Variants in PCBP3 observed in about 807,000 individuals in gnomAD.
PCBP3 encodes poly(rC) binding protein 3.
A neutral mutation model predicts 52.7 loss-of-function variants in PCBP3; 25 were observed. The ratio of observed to expected loss-of-function variants is 0.47; its 90% CI spans 0.35 to 0.66. The LOEUF (loss-of-function observed/expected upper bound fraction) is 0.66. Among genes scored for constraint, PCBP3 ranks in the 30% least tolerant of loss-of-function variants. The pLI is 0.01. For synonymous variants in PCBP3, 162 were observed against 183.0 expected (o/e 0.89, Z 0.93); for missense variants, 391 against 490.3 (o/e 0.80, Z 1.91).
rs1425188378 is a variant in PCBP3, at chr21:45,661,933, T to C, written c.-278-6941T>C. Among the ~76,000 whole-genome samples, 4 of 152,242 alleles carry C rather than the reference T, an allele frequency of 2.6e-5. No individual in the cohort carries two copies. The East Asian group carries it at 7.7e-4, about 29-fold the overall frequency. ...TTTTCAAATGTTTTTTGGCCATTTGTATATCTTTTGAAAAATGCCTGTTCA... is the reference window on the plus strand; with the variant it reads ...TTTTCAAATGTTTTTTGGCCATTTGCATATCTTTTGAAAAATGCCTGTTCA... On this transcript the variant is annotated intron_variant, in intron 1 of 17. Transcript: ENST00000681687.
At chr21:45,866,741 C>CA (rs1814854166) in intron 5 of PCBP3, among the ~76,000 whole-genome samples, 1 of 152,278 alleles carries the variant, frequency 6.6e-6, no homozygotes, top group African/African-American at 2.4e-5. Context: ...GCCAGCTCCT[C>CA]ACACCCTCTC....
chr21:45,833,043 T>G (rs937992103), intron 4 of PCBP3, among the ~76,000 whole-genome samples: 1 of 151,764 alleles, frequency 6.6e-6, no homozygotes, highest in African/African-American at 2.4e-5. Flanking sequence ...CAATTCAAGA[T>G]GAGATTTGGG....
At chr21:45,707,129 T>C (rs2083499701) in intron 2 of PCBP3, among the ~76,000 whole-genome samples, 1 of 152,214 alleles carries the variant, frequency 6.6e-6, no homozygotes, top group African/African-American at 2.4e-5. Context: ...TATTCCCTGA[T>C]AGAAGCCTTG....
intron 5 of PCBP3, among the ~76,000 whole-genome samples, chr21:45,885,857 CT>C (rs1176568815): frequency 6.6e-6 from 1 of 152,242 alleles, no homozygotes; most frequent in Non-Finnish European, 1.5e-5. Flanking sequence ...TCCGACAGCT[CT>C]GTCATCCTGG....
rs533292078 is a variant in PCBP3, at chr21:45,791,849, T to C, written c.-126+36397T>C. On this transcript the variant is annotated intron_variant, in intron 4 of 17. Coordinates refer to ENST00000681687, the MANE Select transcript of PCBP3 (RefSeq NM_001384156.1). This position sits in a 1 kb window ranked among gnomAD's most constrained non-coding sequence, Gnocchi z 4.2. ...GGCTTAAATAATCCTAAAGCAACTATGTAGTTAGGTCCTGCTCCTGAAAGC... is the reference window on the plus strand; with the variant it reads ...GGCTTAAATAATCCTAAAGCAACTACGTAGTTAGGTCCTGCTCCTGAAAGC... Among the ~76,000 whole-genome samples, 9 of 152,326 alleles carry C rather than the reference T, an allele frequency of 5.9e-5. No homozygotes were observed. The highest frequency in any genetic ancestry group is 1.0e-4 in the Non-Finnish European group (7 of 68,032).
intron 1 of PCBP3, among the ~76,000 whole-genome samples, chr21:45,664,852 G>A (rs2080685181): frequency 6.8e-6 from 1 of 147,022 alleles, no homozygotes; most frequent in Non-Finnish European, 1.5e-5. Flanking sequence ...CCACCTATGA[G>A]TGAGAATATG....
chr21:45,874,374 G>A (rs1325422114), intron 5 of PCBP3, among the ~76,000 whole-genome samples: 3 of 152,102 alleles, frequency 2.0e-5, no homozygotes, highest in Non-Finnish European at 4.4e-5. Flanking sequence ...CTAATTCTCG[G>A]ATCTTCTTTA....
intron 2 of PCBP3, among the ~76,000 whole-genome samples, chr21:45,718,120 A>G (rs2084351062): frequency 6.8e-6 from 1 of 147,590 alleles, no homozygotes; most frequent in African/African-American, 2.5e-5. Context: ...TGTTTATAGT[A>G]TTTTCTTATA....
intron 2 of PCBP3, among the ~76,000 whole-genome samples, chr21:45,723,425 A>C (rs1412636947): frequency 2.0e-5 from 3 of 152,228 alleles, no homozygotes; most frequent in African/African-American, 7.2e-5. Flanking sequence ...AATGAGAGTG[A>C]CCCATTCAGA....
chr21:45,895,313 C>T (rs1398159117), intron 5 of PCBP3, among the ~76,000 whole-genome samples: 1 of 152,220 alleles, frequency 6.6e-6, no homozygotes, highest in Non-Finnish European at 1.5e-5. Flanking sequence ...GGGCAGTGTC[C>T]AGGCAGCTCG....
At chr21:45,884,569 TATA>T (rs1240534061) in intron 5 of PCBP3, among the ~76,000 whole-genome samples, 1 of 151,996 alleles carries the variant, frequency 6.6e-6, no homozygotes, top group African/African-American at 2.4e-5. Context: ...TGTGTGCATG[TATA>T]ATGTTTGAGA....
At chr21:45,652,089 C>A (rs1014551424) in intron 1 of PCBP3, among the ~76,000 whole-genome samples, 2 of 152,060 alleles carry the variant, frequency 1.3e-5, no homozygotes, top group African/African-American at 4.8e-5. Context: ...TCCTATTCAC[C>A]CTTTCTTTGT....
chr21:45,724,307 G>A lies in PCBP3; in HGVS notation c.-199-11085G>A, dbSNP rs763030301. Among the ~76,000 whole-genome samples, 6 of 148,082 alleles carry A rather than the reference G, an allele frequency of 4.1e-5. No homozygotes were observed. Among genetic ancestry groups the A allele is most frequent in the Non-Finnish European group, 8.9e-5 (6 of 67,046 alleles). Reference sequence around the variant, plus strand: ...GGGGTGTCCAGCTGTGACCCACCCCGCCCCCTCCCGGTGTTACCCTGAGTT... The same window carrying A: ...GGGGTGTCCAGCTGTGACCCACCCCACCCCCTCCCGGTGTTACCCTGAGTT... On this transcript the variant is annotated intron_variant, in intron 2 of 17. Transcript: ENST00000681687. This position sits in a 1 kb window ranked among gnomAD's most constrained non-coding sequence, Gnocchi z 5.3.
Position 45,829,120 on chromosome 21 carries a change from C to T in PCBP3, c.-125-20841C>T, listed in dbSNP as rs1368311419. Reference sequence around the variant, plus strand: ...GGGCCATTGGCCGAGTTTGAGATGGCATTTCACAACTCCAGGGTGCCACGG... The same window carrying T: ...GGGCCATTGGCCGAGTTTGAGATGGTATTTCACAACTCCAGGGTGCCACGG... On this transcript the variant is annotated intron_variant, in intron 4 of 17. Coordinates refer to ENST00000681687, the MANE Select transcript of PCBP3 (RefSeq NM_001384156.1). The surrounding 1 kb of genome is among the most constrained non-coding windows in gnomAD (Gnocchi z 5.2). 6.6e-6 allele frequency: 1 copy of T among 152,452 alleles called. No homozygotes were observed. The allele number at this position is 152,452 out of a possible 1,614,324, so 9.4% of individuals were successfully genotyped here.
chr21:45,882,154 C>T (rs1450369214), intron 5 of PCBP3, among the ~76,000 whole-genome samples: 2 of 152,194 alleles, frequency 1.3e-5, no homozygotes, highest in African/African-American at 4.8e-5. Flanking sequence ...CAGCACTGTA[C>T]AAGGGTTCCC....
In PCBP3 at chr21:45,815,018, GTGAGTGGTGAGTGAGTGA is replaced by G. The variant is rs1262664459; in HGVS notation, c.-125-34929_-125-34912del. 7.3e-4 allele frequency among the ~76,000 whole-genome samples: 92 copies of G among 125,234 alleles called. 1 individual carries two copies. Among genetic ancestry groups the G allele is most frequent in the African/African-American group, 3.0e-3 (90 of 30,126 alleles). 82.2% of individuals were successfully genotyped at this position (125,234 alleles called of 152,430 possible). The stretch of plus-strand genomic sequence containing the variant: ...GTGGTGAGTGAGTGGTGAGTGATGA[GTGAGTGGTGAGTGAGTGA>G]TGAGTGGTGAGTGGTGAGTGTTGAG... On this transcript the variant is annotated intron_variant, in intron 4 of 17. Coordinates refer to ENST00000681687, the MANE Select transcript of PCBP3 (RefSeq NM_001384156.1).
rs1473918910 is a variant in PCBP3 at position 45,894,515 on chromosome 21, C to T, written c.11-1693C>T. 1.3e-5 allele frequency among the ~76,000 whole-genome samples: 2 copies of T among 152,176 alleles called. 1 individual carries two copies. The highest frequency in any genetic ancestry group is 2.9e-5 in the Non-Finnish European group (2 of 68,042). On this transcript the variant is annotated intron_variant, in intron 5 of 17. Coordinates refer to ENST00000681687, the MANE Select transcript of PCBP3 (RefSeq NM_001384156.1). ...TGCACACAGAGGTGCTTCTCAGGGG[C>T]CACGCCATGCATTTGAACTGATACT...
At chr21:45,648,070 A>T (rs965950703) in intron 1 of PCBP3, among the ~76,000 whole-genome samples, 6 of 152,224 alleles carry the variant, frequency 3.9e-5, no homozygotes, top group Non-Finnish European at 7.3e-5. Flanking sequence ...AGCCTTTGGA[A>T]AAGGCAAGAA....
At chr21:45,934,953 CAA>C (rs2076721496) in intron 15 of PCBP3, among the ~76,000 whole-genome samples, 1 of 152,142 alleles carries the variant, frequency 6.6e-6, no homozygotes, top group Admixed American at 6.5e-5. Context: ...CAAGGTGTCA[CAA>C]GAGAGTATAC....
Sources: gnomAD v4.1 joint callset for allele counts (sites outside exome capture counted in the v4.1 genomes callset) on GRCh38, gnomAD v4.1.1 for gene constraint, Gnocchi (gnomAD v3.1) non-coding constraint, MANE v1.5 for transcripts, NCBI Gene and HGNC (gene_info 2026-07-23, HGNC 2026-07-21) for gene names.